Variants in PDE3B observed in about 807,000 individuals in gnomAD.
The protein encoded by PDE3B is cGMP-inhibited 3',5'-cyclic phosphodiesterase 3B.
PDE3B carries 66 observed loss-of-function variants against 116.8 expected under a neutral mutation model. That is an observed-to-expected ratio of 0.56 (90% CI 0.46 to 0.69). PDE3B has a LOEUF of 0.69. PDE3B is among the 30% of genes least tolerant of loss of function. PDE3B has a pLI of 0.00. For synonymous variants in PDE3B, 595 were observed against 533.6 expected, an observed-to-expected ratio of 1.12 and a Z score of -1.59; for missense variants, 1,384 against 1,368.1, an observed-to-expected ratio of 1.01 and a Z score of -0.18.
intron 1 of PDE3B, among the ~76,000 whole-genome samples, chr11:14,668,330 T>TGAAC: frequency 6.6e-6 from 1 of 152,270 alleles, no homozygotes; most frequent in South Asian, 2.1e-4. Flanking sequence ...CACTTGGTTC[T>TGAAC]TTCTCTCAAA....
chr11:14,741,617 T>C (rs1463272241), intron 1 of PDE3B, among the ~76,000 whole-genome samples: 1 of 152,162 alleles, frequency 6.6e-6, no homozygotes, highest in African/African-American at 2.4e-5. Context: ...AAGTGTGAAT[T>C]TGATCCTGTC....
the PDE3B span, among the ~76,000 whole-genome samples, chr11:14,884,787 A>G: frequency 2.6e-5 from 4 of 152,164 alleles, no homozygotes; most frequent in Non-Finnish European, 5.9e-5. Context: ...AAAACAGTCT[A>G]AACAATAAAT....
intron 1 of PDE3B, among the ~76,000 whole-genome samples, chr11:14,658,780 G>T (rs1417081911): frequency 6.6e-6 from 1 of 152,114 alleles, no homozygotes; most frequent in Non-Finnish European, 1.5e-5. Flanking sequence ...TTATTTCTGT[G>T]CATTTATTGT....
chr11:14,889,166 T>TG, the PDE3B span, among the ~76,000 whole-genome samples: 10,064 of 147,672 alleles, frequency 0.068, 433 homozygotes, highest in African/African-American at 0.13. Context: ...GTCCAGTTGT[T>TG]TTTTTTTTTT....
intron 1 of PDE3B, among the ~76,000 whole-genome samples, chr11:14,756,745 T>C (rs1182970009): frequency 6.6e-6 from 1 of 152,072 alleles, no homozygotes; most frequent in Non-Finnish European, 1.5e-5. Flanking sequence ...GCATGAGCAA[T>C]CTGGACTACA....
intron 2 of PDE3B, among the ~76,000 whole-genome samples, chr11:14,784,023 G>T (rs944673142): frequency 6.6e-6 from 1 of 152,152 alleles, no homozygotes; most frequent in Non-Finnish European, 1.5e-5. Context: ...AAATCCTATG[G>T]TGAACTGCAC....
chr11:14,730,899 A>G (rs1374418764), intron 1 of PDE3B, among the ~76,000 whole-genome samples: 1 of 152,186 alleles, frequency 6.6e-6, no homozygotes, highest in East Asian at 1.9e-4. Context: ...CTCATTTTAG[A>G]TATGATAAAA....
At chr11:14,778,760 T>C (rs1223526845) in intron 2 of PDE3B, among the ~76,000 whole-genome samples, 1 of 152,172 alleles carries the variant, frequency 6.6e-6, no homozygotes, top group East Asian at 1.9e-4. Flanking sequence ...AGAGTGCCCC[T>C]TCTCCTCCAA....
At chr11:14,851,486 A>G (rs1015426970) in intron 12 of PDE3B, among the ~76,000 whole-genome samples, 2 of 146,586 alleles carry the variant, frequency 1.4e-5, no homozygotes, top group Non-Finnish European at 3.0e-5. Context: ...ATGAATATGT[A>G]TATGTGTAAA....
intron 1 of PDE3B, among the ~76,000 whole-genome samples, chr11:14,727,219 G>A (rs1209746292): frequency 6.6e-6 from 1 of 152,054 alleles, no homozygotes; most frequent in Non-Finnish European, 1.5e-5. Flanking sequence ...TATCATAGAT[G>A]ATTTCAAATG....
chr11:14,683,021 T>C (rs746652570), intron 1 of PDE3B, among the ~76,000 whole-genome samples: 16 of 151,704 alleles, frequency 1.1e-4, no homozygotes, highest in Admixed American at 9.2e-4. Context: ...CACCACAACC[T>C]CCGCCTCCCA....
intron 1 of PDE3B, among the ~76,000 whole-genome samples, chr11:14,692,621 T>C (rs1330055472): frequency 1.3e-5 from 2 of 152,174 alleles, no homozygotes; most frequent in African/African-American, 2.4e-5. Flanking sequence ...TTGATGTTAC[T>C]ACTGTAATTG....
intron 4 of PDE3B, among the ~76,000 whole-genome samples, chr11:14,800,651 A>G (rs975218699): frequency 6.6e-6 from 1 of 152,088 alleles, no homozygotes; most frequent in African/African-American, 2.4e-5. Flanking sequence ...TGCTCTTCTC[A>G]AGGAATATCA....
intron 5 of PDE3B, among the ~76,000 whole-genome samples, chr11:14,814,220 T>G (rs1859243733): frequency 6.6e-6 from 1 of 152,298 alleles, no homozygotes; most frequent in East Asian, 1.9e-4. Flanking sequence ...ATGTTCACTG[T>G]AAATACTTGT....
At chr11:14,779,849 C>T (rs1183706352) in intron 2 of PDE3B, among the ~76,000 whole-genome samples, 1 of 152,074 alleles carries the variant, frequency 6.6e-6, no homozygotes. Flanking sequence ...GGATTAAATG[C>T]TCCAATTAAA....
chr11:14,855,918 T>C (rs543812583), intron 12 of PDE3B, among the ~76,000 whole-genome samples: 24 of 152,358 alleles, frequency 1.6e-4, no homozygotes, highest in African/African-American at 5.5e-4. Context: ...TATTTTAAAA[T>C]GTATTTCAGC....
intron 10 of PDE3B, among the ~76,000 whole-genome samples, chr11:14,833,190 T>G (rs2133964519): frequency 6.6e-6 from 1 of 152,270 alleles, no homozygotes; most frequent in Non-Finnish European, 1.5e-5. Flanking sequence ...TGACCTCTGG[T>G]GATCCACCTG....
intron 1 of PDE3B, among the ~76,000 whole-genome samples, chr11:14,756,862 T>C (rs551143145): frequency 8.6e-5 from 13 of 151,766 alleles, no homozygotes; most frequent in African/African-American, 2.2e-4. Flanking sequence ...GCAGGTTAGT[T>C]ACATATGTAT....
downstream of PDE3B, among the ~76,000 whole-genome samples, chr11:14,876,361 T>C (rs1555009719): frequency 6.6e-6 from 1 of 151,960 alleles, no homozygotes; most frequent in Admixed American, 6.6e-5. Context: ...ATAAAATAAT[T>C]AAAGAAAGAT....
Sources: gnomAD v4.1 joint callset for allele counts (sites outside exome capture counted in the v4.1 genomes callset) on GRCh38, gnomAD v4.1.1 for gene constraint, MANE v1.5 for transcripts, NCBI Gene and HGNC (gene_info 2026-07-23, HGNC 2026-07-21) for gene names.